The following GRIP1 variants were observed in gnomAD, a reference collection of about 807,000 sequenced individuals.
GRIP1 encodes the protein glutamate receptor interacting protein 1.
A neutral mutation model predicts 129.9 loss-of-function variants in GRIP1; 45 were observed. The observed-to-expected ratio is 0.35, with a 90% confidence interval of 0.27 to 0.44. The LOEUF is 0.44. Ranked by LOEUF, GRIP1 falls within the 20% of genes least tolerant of loss-of-function variation. The pLI is 1.00. For missense variants in GRIP1, 1,196 were observed against 1,396.8 expected (o/e 0.86, Z 2.29); for synonymous variants, 530 against 520.8 (o/e 1.02, Z -0.24).
intron 1 of GRIP1, among the ~76,000 whole-genome samples, chr12:66,610,120 T>C (rs2139870163): frequency 6.6e-6 from 1 of 152,202 alleles, no homozygotes; most frequent in African/African-American, 2.4e-5. Flanking sequence ...GATACGCAAA[T>C]CAGTCAGAAT....
chr12:66,572,103 G>A (rs1280460762), intron 2 of GRIP1, among the ~76,000 whole-genome samples: 1 of 152,192 alleles, frequency 6.6e-6, no homozygotes, highest in Non-Finnish European at 1.5e-5. Context: ...TTCCAGGGCT[G>A]GGGTACTCAA....
At chr12:67,069,190 G>C (rs893117063), upstream of GRIP1, 73 of 819,928 alleles carry the variant, frequency 8.9e-5, no homozygotes, top group Non-Finnish European at 1.0e-4. Flanking sequence ...CTCCTCGCTC[G>C]TCCTCTAGGG....
chr12:66,497,244 A>G (rs1326822828), intron 7 of GRIP1, among the ~76,000 whole-genome samples: 2 of 152,220 alleles, frequency 1.3e-5, no homozygotes, highest in East Asian at 3.8e-4. Context: ...AATTGTGATA[A>G]TTACTATGAA....
At chr12:66,351,556 G>GTTT (rs72111092) in intron 24 of GRIP1, among the ~76,000 whole-genome samples, 4 of 49,416 alleles carry the variant, frequency 8.1e-5, no homozygotes, top group Admixed American at 3.9e-4. Flanking sequence ...CAGGAAGGTG[G>GTTT]TTTTTTTTTT....
intron 1 of GRIP1, among the ~76,000 whole-genome samples, chr12:66,849,333 T>A (rs1196087248): frequency 6.6e-6 from 1 of 152,194 alleles, no homozygotes; most frequent in Non-Finnish European, 1.5e-5. Context: ...CCAGCCAGCA[T>A]CAATTCCTTT....
chr12:66,358,568 C>T (rs1239997220), intron 23 of GRIP1, among the ~76,000 whole-genome samples: 1 of 152,102 alleles, frequency 6.6e-6, no homozygotes, highest in African/African-American at 2.4e-5. Flanking sequence ...CTGCCTCAGC[C>T]TCCCAAATAG....
At chr12:66,812,569 G>C (rs546439395) in intron 1 of GRIP1, among the ~76,000 whole-genome samples, 88 of 152,326 alleles carry the variant, frequency 5.8e-4, no homozygotes, top group Non-Finnish European at 8.5e-4. Context: ...AGAATATGGA[G>C]GGAAAATTCT....
chr12:67,057,039 C>T (rs2043448842), intron 1 of GRIP1, among the ~76,000 whole-genome samples: 2 of 152,074 alleles, frequency 1.3e-5, no homozygotes, highest in Admixed American at 6.5e-5. Flanking sequence ...TTCTTTTGAA[C>T]TCCTGACCTC....
chr12:66,787,261 C>T (rs1056600468), intron 1 of GRIP1, among the ~76,000 whole-genome samples: 9 of 152,126 alleles, frequency 5.9e-5, no homozygotes, highest in African/African-American at 2.2e-4. Context: ...AAAGGTTACA[C>T]AGAAAGTTTA....
At chr12:66,852,520 ATATATG>A (rs1449692182) in intron 1 of GRIP1, among the ~76,000 whole-genome samples, 2 of 146,000 alleles carry the variant, frequency 1.4e-5, no homozygotes, top group African/African-American at 5.0e-5. Context: ...ATATATGTGT[ATATATG>A]TATATGTATA....
intron 7 of GRIP1, among the ~76,000 whole-genome samples, chr12:66,492,234 C>A (rs2138678686): frequency 6.6e-6 from 1 of 151,908 alleles, no homozygotes; most frequent in South Asian, 2.1e-4. Context: ...TGAATACCAA[C>A]CACTCAGATT....
intron 1 of GRIP1, among the ~76,000 whole-genome samples, chr12:66,749,646 A>G (rs1482717136): frequency 3.3e-5 from 5 of 152,096 alleles, no homozygotes; most frequent in African/African-American, 9.7e-5. Context: ...AGTGGGGATG[A>G]CTTCATTTCC....
Position 66,531,247 on chromosome 12 carries a change from AAAAAAATATATATATATATATATAT to A in GRIP1, c.419-1358_419-1334del, listed in dbSNP as rs1462582795. Among the ~76,000 whole-genome samples the A allele has an allele frequency of 2.5e-3, 154 of 60,768 alleles. 7 individuals are homozygous for A. The highest frequency in any genetic ancestry group is 3.2e-3 in the African/African-American group (45 of 13,946). 39.9% of individuals were successfully genotyped at this position (60,768 alleles called of 152,430 possible). A position where few individuals can be genotyped will look rare whatever the true frequency, so the allele number is the denominator to read the frequency against. ...TGAGACTCTGTCTCAAAAAAAAAAAAAAAAAATATATATATATATATATATATATATATATATATATATATATATA... is the reference window on the plus strand; with the variant it reads ...TGAGACTCTGTCTCAAAAAAAAAAAAATATATATATATATATATATATATA... On this transcript the variant is annotated intron_variant, in intron 4 of 24. Coordinates refer to ENST00000359742, the MANE Select transcript of GRIP1 (RefSeq NM_001366722.1).
intron 23 of GRIP1, among the ~76,000 whole-genome samples, chr12:66,366,796 G>A (rs886349810): frequency 3.3e-5 from 5 of 152,042 alleles, no homozygotes; most frequent in African/African-American, 9.7e-5. Flanking sequence ...TGATCCTCTC[G>A]CCTCAGCCTC....
chr12:66,473,935 T>C (rs2059523430), intron 7 of GRIP1, among the ~76,000 whole-genome samples: 1 of 152,072 alleles, frequency 6.6e-6, no homozygotes, highest in South Asian at 2.1e-4. Flanking sequence ...CTCCAGAGGA[T>C]CACAGCTCCT....
intron 3 of GRIP1, 42 bp downstream of exon 3, chr12:66,541,773 A>G (rs2096882878): frequency 8.1e-6 from 13 of 1,599,012 alleles, no homozygotes; most frequent in African/African-American, 1.3e-5. Context: ...AATTAATTAC[A>G]CCCTGTGTTC....
At chr12:66,585,102 CTTCT>C (rs1032285886) in intron 2 of GRIP1, among the ~76,000 whole-genome samples, 1 of 78,672 alleles carries the variant, frequency 1.3e-5, no homozygotes, top group African/African-American at 5.3e-5. Flanking sequence ...CTTTTTTTTC[CTTCT>C]TTTTTTTTAT....
chr12:66,949,704 C>T (rs542585804), intron 1 of GRIP1, among the ~76,000 whole-genome samples: 187 of 151,758 alleles, frequency 1.2e-3, no homozygotes, highest in Non-Finnish European at 2.4e-3. Flanking sequence ...GATCTGCACC[C>T]CTCAAAAGTT....
intron 2 of GRIP1, among the ~76,000 whole-genome samples, chr12:66,549,561 T>A (rs530866261): frequency 6.6e-6 from 1 of 152,314 alleles, no homozygotes; most frequent in Non-Finnish European, 1.5e-5. Context: ...TTTCAAGCTC[T>A]TCCTAATATC....
Sources: allele counts gnomAD v4.1 joint callset (sites outside exome capture counted in the v4.1 genomes callset), GRCh38; gene constraint gnomAD v4.1.1; transcripts MANE v1.5; gene names NCBI Gene and HGNC (gene_info 2026-07-23, HGNC 2026-07-21).